C20orf173: variants seen among roughly 807,000 people sequenced by gnomAD.
C20orf173 encodes the protein chromosome 20 open reading frame 173.
C20orf173 carries 22 observed loss-of-function variants against 26.7 expected under a neutral mutation model. That is an observed-to-expected ratio of 0.82 (90% CI 0.59 to 1.18). The LOEUF (loss-of-function observed/expected upper bound fraction) is 1.18. Ranked by LOEUF, C20orf173 falls within the 50% of genes most tolerant of loss-of-function variation. The pLI, the probability that C20orf173 is intolerant of heterozygous loss-of-function variation, is 0.00. For missense variants in C20orf173, 210 were observed against 250.3 expected (o/e 0.84, Z 1.09); for synonymous variants, 85 against 96.4 (o/e 0.88, Z 0.69).
Position 35,529,069 on chromosome 20 carries a change from C to T in C20orf173, c.305G>A (p.Trp102Ter). ...ESMTSDTVLW[W>*]LGMNSGSELG... ...GGCCCAGTGTTGACCACTGACCAACCACCAGAGCACAGTGTCAGAGGTCAT... is the reference window on the plus strand; with the variant it reads ...GGCCCAGTGTTGACCACTGACCAACTACCAGAGCACAGTGTCAGAGGTCAT... Residue 102 changes from tryptophan to a stop codon, truncating the protein, a stop_gained, in exon 2 of 6, where the codon TGG (tryptophan) becomes TAG (stop). Transcript: ENST00000444723. LOFTEE classifies it high-confidence loss of function. 1 of 1,548,760 alleles carries T rather than the reference C, an allele frequency of 6.5e-7. No individual in the cohort carries two copies. Among genetic ancestry groups the T allele is most frequent in the South Asian group, 1.2e-5 (1 of 84,020 alleles).
chr20:35,527,679 C>T (rs1429280847), intron 5 of C20orf173, among the ~76,000 whole-genome samples: 6 of 151,636 alleles, frequency 4.0e-5, no homozygotes, highest in Non-Finnish European at 5.9e-5. Flanking sequence ...AGTGCAGTGG[C>T]GCAATCTCGG....
downstream of C20orf173, chr20:35,523,149 A>C (rs1043758066): frequency 6.5e-6 from 1 of 152,686 alleles, no homozygotes; most frequent in African/African-American, 2.4e-5. Context: ...ACCTCAGATG[A>C]GCAGTTGCAT....
At position 35,528,768 on chromosome 20, in the gene C20orf173, C is replaced by G. The variant is rs1249852523; in HGVS notation, c.421G>C (p.Gly141Arg). ...DFYCGTCVLL[G>R]RPQIPQGSSL... ...GAGCCCTGCGGGATCTGTGGGCGCC[C>G]CAACAGCACACAAGTCCCACAATAG... Residue 141 changes from glycine (G) to arginine (R), a missense_variant, in exon 3 of 6, where the codon GGG becomes CGG. By Grantham distance (125) the Gly-to-Arg change is moderately radical. Transcript: ENST00000444723. The G allele has an allele frequency of 6.5e-7, 1 of 1,549,832 alleles. No individual in the cohort carries two copies. The highest frequency in any genetic ancestry group is 8.7e-7 in the Non-Finnish European group (1 of 1,146,356).
At chr20:35,521,947 C>T (rs117612812), downstream of C20orf173, 1,386 of 152,730 alleles carry the variant, frequency 9.1e-3, 8 homozygotes, top group Non-Finnish European at 0.014. Flanking sequence ...AGTGAAAGTC[C>T]GTGAGTTGCA....
Position 35,528,780 on chromosome 20 carries a change from A to G in C20orf173, c.409T>C (p.Cys137Arg). The G allele has an allele frequency of 6.4e-7, 1 of 1,550,868 alleles. No individual in the cohort carries two copies. Among genetic ancestry groups the G allele is most frequent in the Non-Finnish European group, 8.7e-7 (1 of 1,146,748 alleles). The change falls in exon 3 of 6, where the codon TGT becomes CGT. Residue 137 changes from cysteine (C) to arginine (R), a missense_variant. Coordinates refer to ENST00000444723, the MANE Select transcript of C20orf173 (RefSeq NM_001145350.2). ...ATCTGTGGGCGCCCCAACAGCACAC[A>G]AGTCCCACAATAGAAATCAAAATGG... ...VSHFDFYCGT[C>R]VLLGRPQIPQ...
downstream of C20orf173, among the ~76,000 whole-genome samples, chr20:35,526,786 C>G (rs979828409): frequency 9.2e-5 from 14 of 152,064 alleles, no homozygotes; most frequent in African/African-American, 3.4e-4. Flanking sequence ...AGGTTTACTT[C>G]TTTTATCGAA....
chr20:35,521,690 C>G (rs2064476305), downstream of C20orf173, among the ~76,000 whole-genome samples: 1 of 151,378 alleles, frequency 6.6e-6, no homozygotes, highest in African/African-American at 2.4e-5. Context: ...CTCACCGCAA[C>G]CTCCGCCTCC....
intron 3 of C20orf173, 51 bp downstream of exon 3, chr20:35,528,650 A>G: frequency 6.5e-7 from 1 of 1,539,018 alleles, no homozygotes; most frequent in Non-Finnish European, 8.8e-7. Flanking sequence ...AACTGATGGA[A>G]CTGTGGGGCA....
In C20orf173 at chr20:35,528,615, G is replaced by A. The variant is rs1004217031; in HGVS notation, c.489-71C>T. On this transcript the variant is annotated intron_variant, in intron 3 of 5. Coordinates refer to ENST00000444723, the MANE Select transcript of C20orf173 (RefSeq NM_001145350.2). ...TCTCAAAGCCCTGGACTTGGGGCCT[G>A]CTTCATCTTGGGAAGGGGAGCAGAA... is the stretch of plus-strand genomic sequence containing the variant. 14 of 1,546,392 alleles carry A rather than the reference G, an allele frequency of 9.1e-6. No individual in the cohort carries two copies. In the African/African-American group the frequency reaches 1.6e-4, roughly 18 times the overall value.
chr20:35,529,403 G>T lies in C20orf173; in HGVS notation c.-30C>A. 6.7e-7 allele frequency: 1 copy of T among 1,500,606 alleles called. No homozygotes were observed. The highest frequency in any genetic ancestry group is 8.9e-7 in the Non-Finnish European group (1 of 1,124,760). 93.0% of individuals were successfully genotyped at this position (1,500,606 alleles called of 1,614,324 possible). ...GGCCCAGGCGGTGGCTCCCGTGGTG[G>T]GCCGTAGACTGGCTTCTCTACCTGT... On this transcript the variant is annotated 5_prime_UTR_variant, in exon 2 of 6. Coordinates refer to ENST00000444723, the MANE Select transcript of C20orf173 (RefSeq NM_001145350.2).
intron 5 of C20orf173, among the ~76,000 whole-genome samples, chr20:35,527,571 A>G (rs1306730130): frequency 1.3e-5 from 2 of 152,126 alleles, no homozygotes; most frequent in Admixed American, 1.3e-4. Flanking sequence ...CTAAGAGCCC[A>G]TTATGGGAGC....
At chr20:35,523,484 C>T (rs2064486836), downstream of C20orf173, 1 of 152,354 alleles carries the variant, frequency 6.6e-6, no homozygotes, top group Non-Finnish European at 1.5e-5. Flanking sequence ...AAACCTCGCT[C>T]CTGCCTCCCT....
intron 4 of C20orf173, 81 bp from the exon 5 acceptor site, chr20:35,528,365 A>C (rs1463673469): frequency 6.5e-7 from 1 of 1,547,162 alleles, no homozygotes; most frequent in African/African-American, 1.4e-5. Flanking sequence ...AGCCAATAGA[A>C]GGTCTTCCCA....
Position 35,528,546 on chromosome 20 carries a change from TG to T in C20orf173, c.489-3del. 2 of 1,551,614 alleles carry T rather than the reference TG, an allele frequency of 1.3e-6. No individual in the cohort carries two copies. The highest frequency in any genetic ancestry group is 2.4e-5 in the South Asian group (2 of 84,060). On this transcript the variant is annotated splice_region_variant and splice_polypyrimidine_tract_variant and intron_variant, in intron 3 of 5. Coordinates refer to ENST00000444723, the MANE Select transcript of C20orf173 (RefSeq NM_001145350.2). ...CAGGAGCCCTGGTCGCTGGCATTCCTGGGATAGATGAAGCATTGTGTGTGGT... is the reference window on the plus strand; with the variant it reads ...CAGGAGCCCTGGTCGCTGGCATTCCTGGATAGATGAAGCATTGTGTGTGGT...
chr20:35,529,587 G>T lies in C20orf173; in HGVS notation c.-80C>A. 1 of 579,968 alleles carries T rather than the reference G, an allele frequency of 1.7e-6. No homozygotes were observed. Among genetic ancestry groups the T allele is most frequent in the South Asian group, 2.1e-5 (1 of 47,294 alleles). 35.9% of individuals were successfully genotyped at this position (579,968 alleles called of 1,614,324 possible). A position where few individuals can be genotyped will look rare whatever the true frequency, so the allele number is the denominator to read the frequency against. The stretch of plus-strand genomic sequence containing the variant: ...CAAAACGGTCTCTGACTGGGCATGG[G>T]GTGGAAGAGGCCAGGGCAGAGAGAC... On this transcript the variant is annotated 5_prime_UTR_variant, in exon 1 of 6. Transcript: ENST00000444723.
intron 1 of C20orf173, 46 bp from the exon 2 acceptor site, chr20:35,529,470 C>G (rs556415060): frequency 8.2e-7 from 1 of 1,222,730 alleles, no homozygotes; most frequent in Admixed American, 2.6e-5. Context: ...CAGCTTCCCT[C>G]TGTCCTGTCG....
intron 4 of C20orf173, 49 bp from the exon 5 acceptor site, chr20:35,528,333 A>G: frequency 6.4e-7 from 1 of 1,551,112 alleles, no homozygotes; most frequent in Non-Finnish European, 8.7e-7. Flanking sequence ...GACCTGGGAA[A>G]GTCCTGCAAG....
At chr20:35,524,235 G>A (rs1302674821), downstream of C20orf173, among the ~76,000 whole-genome samples, 1 of 151,636 alleles carries the variant, frequency 6.6e-6, no homozygotes, top group African/African-American at 2.4e-5. Flanking sequence ...TGGCCAGGCT[G>A]GTCTCAAACT....
rs1297443786 is a variant in C20orf173, at chr20:35,528,526, G to A, written c.507C>T (p.Gly169=). 7.7e-6 allele frequency: 12 copies of A among 1,551,582 alleles called. No homozygotes were observed. The highest frequency in any genetic ancestry group is 9.6e-6 in the Non-Finnish European group (11 of 1,147,018). Reference sequence around the variant, plus strand: ...GTAGCATCTCCAGCTGCATCCAGGAGCCCTGGTCGCTGGCATTCCTGGGAT... The same window carrying A: ...GTAGCATCTCCAGCTGCATCCAGGAACCCTGGTCGCTGGCATTCCTGGGAT... ...PVVFRNASDQ[G]SWMQLEMLLR... is the part of the protein sequence containing the mutation. The change falls in exon 4 of 6, where the codon GGC becomes GGT. Residue 169 remains glycine, a synonymous_variant. Transcript: ENST00000444723.
Sources: allele counts gnomAD v4.1 joint callset (sites outside exome capture counted in the v4.1 genomes callset), GRCh38; gene constraint gnomAD v4.1.1; transcripts MANE v1.5; gene names NCBI Gene and HGNC (gene_info 2026-07-23, HGNC 2026-07-21).